FSTL5: variants seen among roughly 807,000 people sequenced by gnomAD.
The protein encoded by FSTL5 is follistatin like 5.
In FSTL5, 62 loss-of-function variants were observed where a neutral mutation model predicts 89.1. The observed-to-expected ratio is 0.70, with a 90% CI of 0.57 to 0.86. The LOEUF is 0.86. Among genes scored for constraint, FSTL5 ranks in the 40% least tolerant of loss-of-function variants. FSTL5 has a pLI of 0.00. For synonymous variants in FSTL5, 383 were observed against 346.2 expected (o/e 1.11, Z -1.18); for missense variants, 1,057 against 1,001.6 (o/e 1.06, Z -0.75).
chr4:162,096,843 A>G lies in FSTL5; in HGVS notation c.126+14428T>C, dbSNP rs116396247. ...AATTTTTTAACGTTAACAATATTCA[A>G]TTGATGAAATGAAAATGATACAATG... On this transcript the variant is annotated intron_variant, in intron 2 of 15. Transcript: ENST00000306100. Among the ~76,000 whole-genome samples the G allele has an allele frequency of 6.2e-3, 947 of 152,064 alleles. 8 individuals are homozygous for G. Among genetic ancestry groups the G allele is most frequent in the African/African-American group, 0.021 (878 of 41,550 alleles).
intron 2 of FSTL5, among the ~76,000 whole-genome samples, chr4:162,089,819 T>C (rs1231879459): frequency 2.6e-5 from 4 of 152,146 alleles, no homozygotes; most frequent in Non-Finnish European, 5.9e-5. Context: ...GATAAAAATT[T>C]GCTTCTTTAT....
chr4:162,154,883 C>G (rs145448099), intron 1 of FSTL5, among the ~76,000 whole-genome samples: 1 of 151,878 alleles, frequency 6.6e-6, no homozygotes, highest in African/African-American at 2.4e-5. Flanking sequence ...GAACAGCCTA[C>G]GACATATTAA....
chr4:161,847,657 A>G (rs1160743163), intron 4 of FSTL5, among the ~76,000 whole-genome samples: 1 of 152,142 alleles, frequency 6.6e-6, no homozygotes, highest in African/African-American at 2.4e-5. Flanking sequence ...ACAATAAAAT[A>G]ACTTCCAAGT....
intron 3 of FSTL5, among the ~76,000 whole-genome samples, chr4:161,936,713 C>A (rs916892166): frequency 3.3e-5 from 5 of 152,094 alleles, no homozygotes; most frequent in Admixed American, 2.0e-4. Context: ...CTGGTAGAAA[C>A]CTGCAGGTTT....
intron 4 of FSTL5, among the ~76,000 whole-genome samples, chr4:161,860,903 C>CCT (rs1190361908): frequency 2.0e-3 from 298 of 151,528 alleles, no homozygotes; most frequent in Non-Finnish European, 3.2e-3. Flanking sequence ...TCTTTTCACC[C>CCT]CTCTCTCTCT....
chr4:161,596,174 C>T (rs1486638803), intron 7 of FSTL5, among the ~76,000 whole-genome samples: 1 of 151,812 alleles, frequency 6.6e-6, no homozygotes, highest in Non-Finnish European at 1.5e-5. Context: ...TCTCAGTAGC[C>T]TACTTACTGA....
At chr4:162,008,086 T>G (rs1453937368) in intron 3 of FSTL5, among the ~76,000 whole-genome samples, 1 of 151,828 alleles carries the variant, frequency 6.6e-6, no homozygotes, top group Non-Finnish European at 1.5e-5. Context: ...AAAGTATTTG[T>G]TTTTAAAGGA....
intron 3 of FSTL5, among the ~76,000 whole-genome samples, chr4:161,987,078 C>T (rs769529350): frequency 9.2e-5 from 14 of 152,238 alleles, no homozygotes; most frequent in Admixed American, 4.6e-4. Context: ...AAGACAGTCA[C>T]GCATTCCCTG....
chr4:161,663,664 A>C (rs1736791871), intron 6 of FSTL5, among the ~76,000 whole-genome samples: 1 of 152,134 alleles, frequency 6.6e-6, no homozygotes, highest in South Asian at 2.1e-4. Flanking sequence ...GCAAGCTGTC[A>C]GTGGAGCTAC....
At chr4:161,670,957 G>A (rs1207005288) in intron 6 of FSTL5, among the ~76,000 whole-genome samples, 1 of 152,172 alleles carries the variant, frequency 6.6e-6, no homozygotes, top group African/African-American at 2.4e-5. Flanking sequence ...TGTCAGCTGT[G>A]AGCCTGGGAA....
At chr4:162,082,331 T>C (rs1476950349) in intron 2 of FSTL5, among the ~76,000 whole-genome samples, 2 of 151,708 alleles carry the variant, frequency 1.3e-5, no homozygotes, top group Non-Finnish European at 3.0e-5. Flanking sequence ...TATTTTCCTC[T>C]TTGCTGGTAT....
intron 3 of FSTL5, among the ~76,000 whole-genome samples, chr4:162,016,069 G>T (rs1736909316): frequency 6.6e-6 from 1 of 152,024 alleles, no homozygotes; most frequent in Admixed American, 6.6e-5. Flanking sequence ...CCTCTTGTTG[G>T]GAGTCTTCTG....
intron 8 of FSTL5, among the ~76,000 whole-genome samples, chr4:161,572,615 T>C (rs556308278): frequency 5.1e-4 from 77 of 152,284 alleles, no homozygotes; most frequent in African/African-American, 1.8e-3. Context: ...ATAGATACTA[T>C]AGCAATATAA....
intron 15 of FSTL5, among the ~76,000 whole-genome samples, chr4:161,450,040 G>A (rs762646906): frequency 3.2e-4 from 49 of 152,108 alleles, no homozygotes; most frequent in Non-Finnish European, 5.9e-4. Flanking sequence ...GTTGGTCTCC[G>A]TGTAGTTCTC....
chr4:161,674,179 T>C (rs1737219682), intron 6 of FSTL5, among the ~76,000 whole-genome samples: 1 of 152,202 alleles, frequency 6.6e-6, no homozygotes. Context: ...AAAGCACAGA[T>C]ATACAGATAT....
At chr4:161,752,650 T>C (rs1740438306) in intron 6 of FSTL5, among the ~76,000 whole-genome samples, 1 of 152,172 alleles carries the variant, frequency 6.6e-6, no homozygotes, top group Admixed American at 6.5e-5. Flanking sequence ...CTTAGTAAAA[T>C]GTCATGGTGG....
intron 6 of FSTL5, among the ~76,000 whole-genome samples, chr4:161,752,706 T>C (rs1740439685): frequency 1.3e-5 from 2 of 152,226 alleles, no homozygotes. Flanking sequence ...TCAGTTTTAA[T>C]TCTGGTATGG....
chr4:161,515,892 G>T (rs1730806844), intron 10 of FSTL5, among the ~76,000 whole-genome samples: 1 of 151,468 alleles, frequency 6.6e-6, no homozygotes, highest in South Asian at 2.1e-4. Context: ...GTTCCTGCAA[G>T]AGGTATGAAA....
At chr4:161,690,749 C>A (rs1737913878) in intron 6 of FSTL5, among the ~76,000 whole-genome samples, 1 of 151,974 alleles carries the variant, frequency 6.6e-6, no homozygotes, top group South Asian at 2.1e-4. Context: ...TATTTCATTG[C>A]TCTCATGTTT....
Sources: gnomAD v4.1 joint callset for allele counts (sites outside exome capture counted in the v4.1 genomes callset) on GRCh38, gnomAD v4.1.1 for gene constraint, MANE v1.5 for transcripts, NCBI Gene and HGNC (gene_info 2026-07-23, HGNC 2026-07-21) for gene names.